The following COL22A1 variants were observed in gnomAD, a reference collection of about 807,000 sequenced individuals.
COL22A1 encodes the protein collagen type XXII alpha 1 chain.
Under a neutral mutation model 248.9 loss-of-function variants are expected in COL22A1, and 221 were observed. That is an observed-to-expected ratio of 0.89 (90% CI 0.80 to 0.99). COL22A1 has a LOEUF of 0.99. COL22A1 is among the 50% of genes least tolerant of loss of function. The pLI is 0.00. For synonymous variants in COL22A1, 891 were observed against 793.4 expected (o/e 1.12, Z -2.07); for missense variants, 2,240 against 2,179.0 (o/e 1.03, Z -0.56).
intron 5 of COL22A1, among the ~76,000 whole-genome samples, 184 bp from the exon 6 acceptor site, chr8:138,826,965 G>A (rs1186074090): frequency 6.6e-6 from 1 of 152,110 alleles, no homozygotes; most frequent in East Asian, 1.9e-4. Context: ...ATGTGGCCTA[G>A]ACCATCGTCA....
At chr8:138,835,595 G>T (rs1820367345) in intron 4 of COL22A1, among the ~76,000 whole-genome samples, 1 of 152,146 alleles carries the variant, frequency 6.6e-6, no homozygotes, top group South Asian at 2.1e-4. Context: ...TCCCCCTCAG[G>T]ACCTGCAGGG....
chr8:138,603,842 C>A (rs566863148), intron 59 of COL22A1, among the ~76,000 whole-genome samples: 1 of 152,174 alleles, frequency 6.6e-6, no homozygotes, highest in Non-Finnish European at 1.5e-5. Flanking sequence ...GGTAAAAATG[C>A]GTCTTCCTCA....
At chr8:138,760,358 C>G (rs77444657) in intron 17 of COL22A1, 71 bp from the exon 18 acceptor site, 67,839 of 1,438,456 alleles carry the variant, frequency 0.047, 1,864 homozygotes, top group Non-Finnish European at 0.05. Flanking sequence ...TGGGGAGAAA[C>G]AGGTTGAAAG....
intron 1 of COL22A1, among the ~76,000 whole-genome samples, chr8:138,897,798 C>CA (rs1419505918): frequency 3.3e-5 from 5 of 149,378 alleles, no homozygotes; most frequent in African/African-American, 1.2e-4. Context: ...AAAACAACAA[C>CA]AGAAAAAAAA....
chr8:138,650,168 T>G (rs1325549454), intron 45 of COL22A1, among the ~76,000 whole-genome samples: 1 of 152,200 alleles, frequency 6.6e-6, no homozygotes, highest in African/African-American at 2.4e-5. Context: ...AATAGCATGC[T>G]CTGTCCCTGA....
At chr8:138,740,758 A>G (rs1367366409) in intron 22 of COL22A1, among the ~76,000 whole-genome samples, 1 of 152,204 alleles carries the variant, frequency 6.6e-6, no homozygotes, top group Non-Finnish European at 1.5e-5. Context: ...CAGAGAAAGA[A>G]AAGTGTCAGA....
At chr8:138,861,584 C>T (rs536398314) in intron 3 of COL22A1, among the ~76,000 whole-genome samples, 2 of 152,280 alleles carry the variant, frequency 1.3e-5, no homozygotes, top group East Asian at 1.9e-4. Flanking sequence ...TCCTGGGTCT[C>T]GCCTCCTTCC....
rs1563672558 is a variant in COL22A1, at chr8:138,725,361, C to T, written c.2193+26G>A. The T allele has an allele frequency of 5.0e-6, 8 of 1,612,704 alleles. No homozygotes were observed. The Admixed American group carries it at 5.0e-5, about 10-fold the overall frequency. Reference sequence around the variant, plus strand: ...CCAGGAAACCACCATCTAAGAGCCCCTGTAGAAAATCAAAGCCAGTCTTAC... The same window carrying T: ...CCAGGAAACCACCATCTAAGAGCCCTTGTAGAAAATCAAAGCCAGTCTTAC... On this transcript the variant is annotated intron_variant, in intron 24 of 64. Coordinates refer to ENST00000303045, the MANE Select transcript of COL22A1 (RefSeq NM_152888.3).
intron 25 of COL22A1, 156 bp from the exon 26 acceptor site, chr8:138,722,245 T>C (rs1829924031): frequency 3.2e-6 from 2 of 622,458 alleles, no homozygotes; most frequent in African/African-American, 3.7e-5. Flanking sequence ...CCAGAGCGAC[T>C]GTGGTCTCTG....
intron 39 of COL22A1, 79 bp from the exon 40 acceptor site, chr8:138,679,755 T>C: frequency 1.2e-6 from 1 of 867,522 alleles, no homozygotes; most frequent in Non-Finnish European, 1.6e-6. Context: ...GCCCCTCTGT[T>C]AGGTACTGGA....
chr8:138,790,793 T>C (rs530876844), intron 12 of COL22A1, among the ~76,000 whole-genome samples: 2 of 152,306 alleles, frequency 1.3e-5, no homozygotes, highest in South Asian at 4.1e-4. Context: ...ACATACCTTC[T>C]TTCCAATGGC....
intron 6 of COL22A1, 61 bp from the exon 7 acceptor site, chr8:138,821,472 T>C: frequency 6.5e-7 from 1 of 1,539,906 alleles, no homozygotes; most frequent in Non-Finnish European, 8.9e-7. Flanking sequence ...AAGGAGAGAA[T>C]GGGAAACGGG....
intron 51 of COL22A1, among the ~76,000 whole-genome samples, chr8:138,625,461 C>T (rs1350260283): frequency 6.6e-6 from 1 of 152,168 alleles, no homozygotes. Flanking sequence ...GTGCAGAAGG[C>T]AGTGCATGGC....
At chr8:138,848,036 C>G (rs1042216022) in intron 3 of COL22A1, among the ~76,000 whole-genome samples, 3 of 152,174 alleles carry the variant, frequency 2.0e-5, no homozygotes, top group African/African-American at 7.2e-5. Context: ...GTTACCTTCT[C>G]TATCCCAATA....
At chr8:138,841,197 A>G (rs183623974) in intron 4 of COL22A1, among the ~76,000 whole-genome samples, 5 of 152,102 alleles carry the variant, frequency 3.3e-5, no homozygotes, top group African/African-American at 1.2e-4. Context: ...CCATCCATTC[A>G]TTTCACAAAC....
At chr8:138,804,525 T>C (rs1817293823) in intron 10 of COL22A1, among the ~76,000 whole-genome samples, 1 of 152,162 alleles carries the variant, frequency 6.6e-6, no homozygotes. Flanking sequence ...CCCCAGGTAG[T>C]TTGCGCTTTC....
intron 10 of COL22A1, among the ~76,000 whole-genome samples, chr8:138,804,791 GGT>G (rs375153666): frequency 6.5e-5 from 8 of 122,274 alleles, no homozygotes; most frequent in South Asian, 2.9e-4. Flanking sequence ...AGGTGCGTGT[GGT>G]GTGTGTGTGT....
chr8:138,613,512 C>T (rs560576558), intron 56 of COL22A1, among the ~76,000 whole-genome samples: 3 of 152,298 alleles, frequency 2.0e-5, no homozygotes, highest in Admixed American at 6.5e-5. Flanking sequence ...TACCACATTC[C>T]ATTCATGGTA....
chr8:138,597,065 GT>G, intron 61 of COL22A1, 95 bp from the exon 62 acceptor site: 1 of 926,954 alleles, frequency 1.1e-6, no homozygotes, highest in Non-Finnish European at 1.7e-6. Context: ...TTCGTAGGTG[GT>G]ATATACCCAC....
Sources: allele counts gnomAD v4.1 joint callset (sites outside exome capture counted in the v4.1 genomes callset), GRCh38; gene constraint gnomAD v4.1.1; transcripts MANE v1.5; gene names NCBI Gene and HGNC (gene_info 2026-07-23, HGNC 2026-07-21).